LRFN5: variants seen among roughly 807,000 people sequenced by gnomAD.
The protein encoded by LRFN5 is leucine rich repeat and fibronectin type III domain containing 5, also known as leucine-rich repeat and fibronectin type-III domain-containing protein 5.
LRFN5 carries 24 observed loss-of-function variants against 45.6 expected under a neutral mutation model. The ratio of observed to expected loss-of-function variants is 0.53; its 90% CI spans 0.38 to 0.74. The LOEUF is 0.74. LRFN5 is among the 30% of genes least tolerant of loss of function. LRFN5 has a pLI of 0.00. For missense variants in LRFN5, 776 were observed against 861.5 expected (o/e 0.90, Z 1.24); for synonymous variants, 340 against 313.8 (o/e 1.08, Z -0.88).
intron 2 of LRFN5, among the ~76,000 whole-genome samples, chr14:41,793,773 C>CA (rs1426036825): frequency 6.6e-6 from 1 of 152,014 alleles, no homozygotes; most frequent in Non-Finnish European, 1.5e-5. Context: ...GGATGAAGCA[C>CA]AAAAGCAGAT....
chr14:41,884,107 C>G (rs1890482377), intron 2 of LRFN5, among the ~76,000 whole-genome samples: 1 of 152,164 alleles, frequency 6.6e-6, no homozygotes, highest in Admixed American at 6.5e-5. Flanking sequence ...TGAGACTCTG[C>G]TCTCCAATCT....
At chr14:41,652,421 T>A (rs73313523) in intron 1 of LRFN5, among the ~76,000 whole-genome samples, 285 of 152,220 alleles carry the variant, frequency 1.9e-3, no homozygotes, top group African/African-American at 6.6e-3. Context: ...TCTCATTACT[T>A]AACGTAACAA....
chr14:41,740,345 A>G (rs751074579), intron 1 of LRFN5, among the ~76,000 whole-genome samples: 2 of 152,030 alleles, frequency 1.3e-5, no homozygotes, highest in Non-Finnish European at 2.9e-5. Context: ...ATTAACTTTG[A>G]TAAAATGAGA....
intron 2 of LRFN5, among the ~76,000 whole-genome samples, chr14:41,797,249 T>G (rs915695175): frequency 6.6e-6 from 1 of 151,804 alleles, no homozygotes; most frequent in South Asian, 2.1e-4. Context: ...TTTGAAATTA[T>G]TTATTTATTT....
At chr14:41,856,731 C>T (rs1889482473) in intron 2 of LRFN5, among the ~76,000 whole-genome samples, 1 of 117,482 alleles carries the variant, frequency 8.5e-6, no homozygotes, top group Non-Finnish European at 1.7e-5. Context: ...GGCAGGAGTG[C>T]TGTGGCGCGA....
intron 1 of LRFN5, among the ~76,000 whole-genome samples, chr14:41,696,525 C>T (rs943999819): frequency 1.8e-4 from 28 of 151,952 alleles, no homozygotes; most frequent in African/African-American, 4.6e-4. Flanking sequence ...CAGCAGCTAC[C>T]TCCCTGATCA....
chr14:41,673,140 C>G (rs1034831637), intron 1 of LRFN5, among the ~76,000 whole-genome samples: 13 of 152,116 alleles, frequency 8.5e-5, no homozygotes, highest in African/African-American at 2.7e-4. Flanking sequence ...CGGCAACCAT[C>G]CGATTTCTCA....
At chr14:41,629,758 A>G (rs1368824166) in intron 1 of LRFN5, among the ~76,000 whole-genome samples, 2 of 152,190 alleles carry the variant, frequency 1.3e-5, no homozygotes, top group African/African-American at 2.4e-5. Context: ...CACATGTCTT[A>G]GTTCCCATAC....
chr14:41,861,415 T>C (rs150452706), intron 2 of LRFN5, among the ~76,000 whole-genome samples: 1 of 152,226 alleles, frequency 6.6e-6, no homozygotes, highest in South Asian at 2.1e-4. Flanking sequence ...ACTGATGAAT[T>C]CCTATGTTAT....
chr14:41,836,216 A>G (rs1375599750), intron 2 of LRFN5, among the ~76,000 whole-genome samples: 1 of 152,220 alleles, frequency 6.6e-6, no homozygotes, highest in East Asian at 1.9e-4. Context: ...TCACGCTTCC[A>G]CTATTCTGAG....
intron 2 of LRFN5, among the ~76,000 whole-genome samples, chr14:41,865,161 A>G (rs1394705373): frequency 6.6e-6 from 1 of 152,130 alleles, no homozygotes; most frequent in Non-Finnish European, 1.5e-5. Flanking sequence ...TTGTGCCACC[A>G]TTACCATAAT....
At chr14:41,770,486 T>A (rs1886042590) in intron 2 of LRFN5, among the ~76,000 whole-genome samples, 1 of 152,224 alleles carries the variant, frequency 6.6e-6, no homozygotes, top group Non-Finnish European at 1.5e-5. Flanking sequence ...GCTACTGGCA[T>A]TGGGTAAGCA....
At chr14:41,805,235 C>G (rs1197954031) in intron 2 of LRFN5, among the ~76,000 whole-genome samples, 1 of 151,258 alleles carries the variant, frequency 6.6e-6, no homozygotes, top group African/African-American at 2.4e-5. Flanking sequence ...ATTGGCCAGA[C>G]TGGTTATTAT....
At chr14:41,766,825 C>T (rs1177843084) in intron 1 of LRFN5, 29 bp from the exon 2 acceptor site, 1 of 152,566 alleles carries the variant, frequency 6.6e-6, no homozygotes, top group Non-Finnish European at 1.5e-5. Flanking sequence ...TTTTGATACA[C>T]TCTTTTTTTG....
chr14:41,782,720 G>A (rs1452581831), intron 2 of LRFN5, among the ~76,000 whole-genome samples: 1 of 152,134 alleles, frequency 6.6e-6, no homozygotes, highest in African/African-American at 2.4e-5. Flanking sequence ...AGGTGCCAGA[G>A]GCTGTAAATT....
At chr14:41,738,968 G>T (rs1351703828) in intron 1 of LRFN5, among the ~76,000 whole-genome samples, 1 of 152,166 alleles carries the variant, frequency 6.6e-6, no homozygotes, top group Non-Finnish European at 1.5e-5. Flanking sequence ...TCTCAAGTAT[G>T]CACGGAACAT....
chr14:41,754,706 CA>C (rs1566653858), intron 1 of LRFN5, among the ~76,000 whole-genome samples: 1 of 152,010 alleles, frequency 6.6e-6, no homozygotes, highest in African/African-American at 2.4e-5. Context: ...TTGATCTTTT[CA>C]AAAAACCGGC....
chr14:41,857,250 G>T (rs531883133), intron 2 of LRFN5, among the ~76,000 whole-genome samples: 11 of 152,074 alleles, frequency 7.2e-5, no homozygotes, highest in African/African-American at 2.4e-4. Flanking sequence ...CATATTCAAG[G>T]TCCCTTAGCT....
intron 2 of LRFN5, among the ~76,000 whole-genome samples, chr14:41,834,920 C>T (rs930911521): frequency 2.6e-4 from 39 of 152,058 alleles, no homozygotes; most frequent in East Asian, 1.5e-3. Context: ...ACCTTAGCCT[C>T]CCAAAGTGCT....
Sources: gnomAD v4.1 joint callset for allele counts (sites outside exome capture counted in the v4.1 genomes callset) on GRCh38, gnomAD v4.1.1 for gene constraint, MANE v1.5 for transcripts, NCBI Gene and HGNC (gene_info 2026-07-23, HGNC 2026-07-21) for gene names.